Variants in APOLD1 observed in about 807,000 individuals in gnomAD.
APOLD1 encodes the protein apolipoprotein L domain-containing protein 1.
A neutral mutation model predicts 15.3 loss-of-function variants in APOLD1; 22 were observed. That is an observed-to-expected ratio of 1.44 (90% CI 1.03 to 2.05). APOLD1 has a LOEUF of 2.05. Ranked by LOEUF, APOLD1 falls within the 30% of genes most tolerant of loss-of-function variation. APOLD1 has a pLI of 0.00. For synonymous variants in APOLD1, 190 were observed against 167.4 expected (o/e 1.13, Z -1.04); for missense variants, 394 against 353.5 (o/e 1.11, Z -0.92).
intron 1 of APOLD1, among the ~76,000 whole-genome samples, chr12:12,786,139 T>C (rs150374303): frequency 6.6e-6 from 1 of 152,332 alleles, no homozygotes; most frequent in East Asian, 1.9e-4. Context: ...GGCCACTTTA[T>C]TTTATTCAAC....
chr12:12,734,732 T>A (rs993964285), intron 1 of APOLD1, among the ~76,000 whole-genome samples: 7 of 152,166 alleles, frequency 4.6e-5, no homozygotes, highest in Non-Finnish European at 7.3e-5. Context: ...ACGTTTATAA[T>A]CTCACTAGAA....
intron 1 of APOLD1, among the ~76,000 whole-genome samples, chr12:12,746,496 C>CAAATAAATAAATAAAT (rs757082166): frequency 0.012 from 1,653 of 139,980 alleles, 22 homozygotes; most frequent in African/African-American, 0.042. Context: ...AACTCCATCT[C>CAAATAAATAAATAAAT]AAATAAATAA....
At chr12:12,732,619 G>C (rs898617227) in intron 1 of APOLD1, among the ~76,000 whole-genome samples, 4 of 151,856 alleles carry the variant, frequency 2.6e-5, no homozygotes, top group Non-Finnish European at 5.9e-5. Context: ...CATCTACTTG[G>C]GAGGCTGAGG....
intron 1 of APOLD1, among the ~76,000 whole-genome samples, chr12:12,729,763 T>A (rs1946621795): frequency 6.6e-6 from 1 of 151,238 alleles, no homozygotes; most frequent in Non-Finnish European, 1.5e-5. Context: ...TCTAAAAAAA[T>A]AAAATAATAA....
Position 12,786,909 on chromosome 12 carries a change from G to A in APOLD1, c.4G>A (p.Gly2Arg), listed in dbSNP as rs1256235088. 20 of 1,441,846 alleles carry A rather than the reference G, an allele frequency of 1.4e-5. No homozygotes were observed. The highest frequency in any genetic ancestry group is 2.9e-5 in the Admixed American group (1 of 34,480). The allele number at this position is 1,441,846 out of a possible 1,614,324, so 89.3% of individuals were successfully genotyped here. A position where few individuals can be genotyped will look rare whatever the true frequency, so the allele number is the denominator to read the frequency against. The change falls in exon 2 of 2, where the codon GGA becomes AGA. Residue 2 changes from glycine to arginine, a missense_variant and splice_region_variant. Physicochemically the swap from Gly to Arg is moderately radical, Grantham distance 125. Coordinates refer to ENST00000356591, the MANE Select transcript of APOLD1 (RefSeq NM_030817.3). MGMERPAAREPH... is the reference protein window; with the variant it reads MRMERPAAREPH... ...TGACCGCGTGTCTATGTCCCCGCAG[G>A]GAATGGAGAGGCCGGCGGCCCGGGA...
chr12:12,755,907 C>G (rs1289079825), intron 1 of APOLD1, among the ~76,000 whole-genome samples: 1 of 152,158 alleles, frequency 6.6e-6, no homozygotes, highest in Non-Finnish European at 1.5e-5. Context: ...GAGTTTCTAG[C>G]CTGCCAGCCT....
intron 1 of APOLD1, among the ~76,000 whole-genome samples, chr12:12,777,920 TTTTTTG>T (rs1565436850): frequency 3.3e-4 from 42 of 129,072 alleles, no homozygotes; most frequent in South Asian, 1.1e-3. Context: ...TTTTTTTTTT[TTTTTTG>T]TTGTTGTTGT....
chr12:12,787,840 C>A lies in APOLD1; in HGVS notation c.*188C>A. The A allele has an allele frequency of 3.8e-6, 3 of 791,204 alleles. No homozygotes were observed. The highest frequency in any genetic ancestry group is 5.8e-6 in the Non-Finnish European group (3 of 519,362). 49.0% of individuals were successfully genotyped at this position (791,204 alleles called of 1,614,324 possible). On this transcript the variant is annotated 3_prime_UTR_variant, in exon 2 of 2. Coordinates refer to ENST00000356591, the MANE Select transcript of APOLD1 (RefSeq NM_030817.3). This position sits in a 1 kb window ranked among gnomAD's most constrained non-coding sequence, Gnocchi z 4.9. ...CCCATCACTGTGACATCTGCCTGGG[C>A]TTGAGTGCTACGGACTTTTCAGTCT...
At chr12:12,742,580 G>T (rs1318641219) in intron 1 of APOLD1, among the ~76,000 whole-genome samples, 1 of 152,086 alleles carries the variant, frequency 6.6e-6, no homozygotes, top group African/African-American at 2.4e-5. Flanking sequence ...GCCTGGCCAA[G>T]ATGGTGAAAC....
chr12:12,732,193 T>G (rs536741280), intron 1 of APOLD1, among the ~76,000 whole-genome samples: 59 of 152,260 alleles, frequency 3.9e-4, no homozygotes, highest in African/African-American at 1.4e-3. Context: ...ATTGTCTAAT[T>G]AGTAGAGAGA....
At chr12:12,755,358 C>A (rs920823747) in intron 1 of APOLD1, among the ~76,000 whole-genome samples, 2 of 151,844 alleles carry the variant, frequency 1.3e-5, no homozygotes, top group African/African-American at 4.8e-5. Context: ...TATGGTCTTG[C>A]GTAGGGCAAA....
At chr12:12,749,385 C>A (rs774573128) in intron 1 of APOLD1, among the ~76,000 whole-genome samples, 3 of 151,988 alleles carry the variant, frequency 2.0e-5, no homozygotes, top group Non-Finnish European at 4.4e-5. Flanking sequence ...AAAGAAAAAC[C>A]CTAACATTCC....
chr12:12,784,616 G>A (rs938356591), upstream of APOLD1, among the ~76,000 whole-genome samples: 1 of 152,170 alleles, frequency 6.6e-6, no homozygotes, highest in African/African-American at 2.4e-5. Flanking sequence ...GGCTTTCCAG[G>A]TAAGCCAGAG....
chr12:12,762,883 C>A (rs1946912203), intron 1 of APOLD1, among the ~76,000 whole-genome samples: 1 of 152,098 alleles, frequency 6.6e-6, no homozygotes. Flanking sequence ...CCGTAGCTCA[C>A]ACCTGTAACC....
chr12:12,768,075 G>A (rs1292891485), intron 1 of APOLD1, among the ~76,000 whole-genome samples: 8 of 151,940 alleles, frequency 5.3e-5, no homozygotes, highest in Non-Finnish European at 1.2e-4. Flanking sequence ...GTAAGCCACC[G>A]TGCCCGGCCT....
intron 1 of APOLD1, among the ~76,000 whole-genome samples, chr12:12,778,816 T>C (rs971538685): frequency 1.3e-5 from 2 of 152,238 alleles, no homozygotes; most frequent in African/African-American, 4.8e-5. Context: ...CTCTGTCAAC[T>C]ACTTCAATAA....
At chr12:12,765,625 C>A (rs949026748) in intron 1 of APOLD1, among the ~76,000 whole-genome samples, 1 of 152,116 alleles carries the variant, frequency 6.6e-6, no homozygotes, top group Non-Finnish European at 1.5e-5. Context: ...AATCCCAGCA[C>A]TTTGGGAGGC....
intron 1 of APOLD1, among the ~76,000 whole-genome samples, chr12:12,738,507 A>G: frequency 6.6e-6 from 1 of 152,174 alleles, no homozygotes. Flanking sequence ...TGCCTGGTTA[A>G]TTACATAGAT....
chr12:12,741,138 TA>T (rs1208107213), intron 1 of APOLD1, among the ~76,000 whole-genome samples: 1 of 152,208 alleles, frequency 6.6e-6, no homozygotes, highest in African/African-American at 2.4e-5. Context: ...AAAAGTACCC[TA>T]GAATGCAAGA....
Sources: gnomAD v4.1 joint callset for allele counts (sites outside exome capture counted in the v4.1 genomes callset) on GRCh38, gnomAD v4.1.1 for gene constraint, Gnocchi (gnomAD v3.1) non-coding constraint, MANE v1.5 for transcripts, NCBI Gene and HGNC (gene_info 2026-07-23, HGNC 2026-07-21) for gene names.